The following CADPS2 variants were observed in gnomAD, a reference collection of about 807,000 sequenced individuals.
CADPS2 encodes the protein calcium-dependent secretion activator 2.
CADPS2 carries 93 observed loss-of-function variants against 172.5 expected under a neutral mutation model. That is an observed-to-expected ratio of 0.54 (90% CI 0.46 to 0.64). CADPS2 has a LOEUF of 0.64. CADPS2 is among the 30% of genes least tolerant of loss of function. The pLI is 0.00. For synonymous variants in CADPS2, 546 were observed against 555.2 expected, an observed-to-expected ratio of 0.98 and a Z score of 0.23; for missense variants, 1,420 against 1,565.9, an observed-to-expected ratio of 0.91 and a Z score of 1.57.
At chr7:122,421,897 C>G (rs570424357) in intron 17 of CADPS2, 1 of 152,070 alleles carries the variant, frequency 6.6e-6, no homozygotes, top group African/African-American at 2.4e-5. Context: ...GGTATGTGTT[C>G]GAGTTTAGAA....
chr7:122,855,067 A>T (rs1814791142), intron 1 of CADPS2, among the ~76,000 whole-genome samples: 1 of 152,212 alleles, frequency 6.6e-6, no homozygotes, highest in South Asian at 2.1e-4. Context: ...AGAGACTGAA[A>T]GCTTTTTAAA....
chr7:122,393,493 T>C lies in CADPS2; in HGVS notation c.2836A>G (p.Ile946Val), dbSNP rs1310781330. 6.2e-7 allele frequency: 1 copy of C among 1,613,924 alleles called. No homozygotes were observed. The highest frequency in any genetic ancestry group is 8.5e-7 in the Non-Finnish European group (1 of 1,179,854). Residue 946 changes from isoleucine (I) to valine (V), a missense_variant, in exon 21 of 30, where the codon ATC becomes GTC. Ile to Val is a conservative substitution (Grantham distance 29, BLOSUM62 3). Transcript: ENST00000449022. ...VRYVDLMESS[I>V]AQSIHRGFEQ... Reference sequence around the variant, plus strand: ...AAACCTCTGTGAATTGACTGGGCGATGGAAGACTCCATGAGATCCACATAG... The same window carrying C: ...AAACCTCTGTGAATTGACTGGGCGACGGAAGACTCCATGAGATCCACATAG...
intron 25 of CADPS2, 162 bp downstream of exon 25, chr7:122,379,206 C>G (rs186296706): frequency 4.9e-4 from 247 of 502,730 alleles, no homozygotes; most frequent in Non-Finnish European, 8.1e-4. Context: ...ACATAGTGTT[C>G]CTAACCTTTT....
chr7:122,785,503 A>T (rs1793812256), intron 1 of CADPS2, among the ~76,000 whole-genome samples: 1 of 152,170 alleles, frequency 6.6e-6, no homozygotes, highest in Non-Finnish European at 1.5e-5. Flanking sequence ...CCCCAGGTGA[A>T]TTTTGAACTA....
At chr7:122,593,635 A>G (rs552026443) in intron 6 of CADPS2, among the ~76,000 whole-genome samples, 19 of 152,204 alleles carry the variant, frequency 1.2e-4, no homozygotes, top group Middle Eastern at 3.4e-3. Context: ...TAGCTTTACT[A>G]AATAATATCT....
intron 25 of CADPS2, among the ~76,000 whole-genome samples, chr7:122,374,729 G>A (rs1052398463): frequency 6.6e-6 from 1 of 152,112 alleles, no homozygotes; most frequent in Non-Finnish European, 1.5e-5. Context: ...GTCGGGGGCT[G>A]TGGGGATAGG....
chr7:122,353,790 C>A (rs2038995828), intron 27 of CADPS2, among the ~76,000 whole-genome samples: 1 of 152,154 alleles, frequency 6.6e-6, no homozygotes, highest in Non-Finnish European at 1.5e-5. Context: ...TACTATGTCA[C>A]CTTTGTAAAT....
intron 2 of CADPS2, among the ~76,000 whole-genome samples, chr7:122,733,671 A>G (rs975767946): frequency 2.0e-5 from 3 of 151,932 alleles, no homozygotes; most frequent in African/African-American, 7.3e-5. Context: ...GACTTCAGGA[A>G]CTCACCTGAA....
intron 7 of CADPS2, among the ~76,000 whole-genome samples, chr7:122,557,807 G>A (rs1424677364): frequency 2.0e-5 from 3 of 152,180 alleles, no homozygotes; most frequent in Non-Finnish European, 4.4e-5. Context: ...ACTGTTGCTA[G>A]TAAACAGCTA....
chr7:122,699,221 T>C (rs572002756), intron 2 of CADPS2: 2 of 250,148 alleles, frequency 8.0e-6, no homozygotes, highest in East Asian at 8.1e-5. Context: ...GCTTAGAGCA[T>C]ACTGTGAATT....
intron 27 of CADPS2, among the ~76,000 whole-genome samples, chr7:122,355,442 G>A (rs541933440): frequency 1.3e-5 from 2 of 152,228 alleles, no homozygotes; most frequent in Admixed American, 6.5e-5. Context: ...TTAGCCAGGT[G>A]TGGTTGCACA....
At position 122,439,907 on chromosome 7, in the gene CADPS2, GTA is replaced by G. The variant is rs1340145109; in HGVS notation, c.2353-1445_2353-1444del. ...CAAAAATGGCTGTTAAAGTTAGAAT[GTA>G]TATGTCTCCCAGGTAATATTTCATA... On this transcript the variant is annotated intron_variant, in intron 16 of 29. Transcript: ENST00000449022. Among the ~76,000 whole-genome samples, 7 of 152,050 alleles carry G rather than the reference GTA, an allele frequency of 4.6e-5. No homozygotes were observed. The East Asian group carries it at 1.2e-3, about 25-fold the overall frequency.
intron 1 of CADPS2, among the ~76,000 whole-genome samples, chr7:122,827,841 CAAAAAGAATTCAGCAACACAT>C (rs1472322312): frequency 1.3e-5 from 2 of 151,756 alleles, no homozygotes; most frequent in Non-Finnish European, 2.9e-5. Flanking sequence ...AAAATATCAA[CAAAAAGAATTCAGCAACACAT>C]AAAAAGAATT....
rs2086317936 is a variant in CADPS2 at position 122,702,539 on chromosome 7, A to G, written c.453+34416T>C. 1 of 1,613,364 alleles carries G rather than the reference A, an allele frequency of 6.2e-7. No individual in the cohort carries two copies. Among genetic ancestry groups the G allele is most frequent in the African/African-American group, 1.3e-5 (1 of 74,852 alleles). The stretch of plus-strand genomic sequence containing the variant: ...TTCAGGAAGTGCCACCACACCAGAC[A>G]CCCTTTCCAGAGGAGAATGATTCCC... On this transcript the variant is annotated intron_variant, in intron 2 of 29. Transcript: ENST00000449022.
At chr7:122,758,157 C>A (rs2093241304) in intron 1 of CADPS2, among the ~76,000 whole-genome samples, 1 of 152,158 alleles carries the variant, frequency 6.6e-6, no homozygotes, top group Non-Finnish European at 1.5e-5. Context: ...TATTAATATA[C>A]ATGTATTACC....
intron 1 of CADPS2, among the ~76,000 whole-genome samples, chr7:122,756,481 A>G (rs1337101804): frequency 6.6e-6 from 1 of 152,226 alleles, no homozygotes; most frequent in African/African-American, 2.4e-5. Flanking sequence ...ATAAGAAGTT[A>G]TATTTTTAAA....
intron 2 of CADPS2, among the ~76,000 whole-genome samples, chr7:122,700,748 A>T (rs562144589): frequency 7.6e-4 from 115 of 152,308 alleles, no homozygotes; most frequent in Non-Finnish European, 1.2e-3. Context: ...GGAGAGGAAA[A>T]GAGAAGCATT....
intron 9 of CADPS2, among the ~76,000 whole-genome samples, chr7:122,506,226 T>G (rs2059596846): frequency 6.6e-6 from 1 of 152,198 alleles, no homozygotes; most frequent in Admixed American, 6.5e-5. Flanking sequence ...ACTTGTGTAT[T>G]TCTGAACAAA....
intron 14 of CADPS2, among the ~76,000 whole-genome samples, chr7:122,460,636 A>G (rs1371405432): frequency 6.6e-6 from 1 of 152,214 alleles, no homozygotes; most frequent in Admixed American, 6.5e-5. Flanking sequence ...ATAATAAACA[A>G]GTGACCATGG....
Sources: gnomAD v4.1 joint callset for allele counts (sites outside exome capture counted in the v4.1 genomes callset) on GRCh38, gnomAD v4.1.1 for gene constraint, MANE v1.5 for transcripts, NCBI Gene and HGNC (gene_info 2026-07-23, HGNC 2026-07-21) for gene names.